Variants in OTOA observed in about 807,000 individuals in gnomAD.
The protein encoded by OTOA is otoancorin, also known as cancer/testis antigen 108.
A neutral mutation model predicts 110.8 loss-of-function variants in OTOA; 70 were observed. The observed-to-expected ratio is 0.63, with a 90% confidence interval of 0.52 to 0.77. The LOEUF is 0.77. OTOA is among the 30% of genes least tolerant of loss of function. The pLI is 0.00. For missense variants in OTOA, 917 were observed against 1,075.8 expected (o/e 0.85, Z 2.06); for synonymous variants, 373 against 431.5 (o/e 0.86, Z 1.68).
chr16:21,670,781 T>G (rs772958392), intron 1 of OTOA, among the ~76,000 whole-genome samples: 3 of 152,248 alleles, frequency 2.0e-5, no homozygotes, highest in Non-Finnish European at 4.4e-5. Context: ...CCTTTTCTTC[T>G]GGCTAATTGC....
chr16:21,739,172 TTG>T (rs1360348142), intron 22 of OTOA, among the ~76,000 whole-genome samples: 1 of 151,276 alleles, frequency 6.6e-6, no homozygotes, highest in Non-Finnish European at 1.5e-5. Flanking sequence ...TTATATTAAT[TTG>T]TGTGTGTGTG....
At chr16:21,695,900 T>TTTTTTC (rs1897930415) in intron 9 of OTOA, among the ~76,000 whole-genome samples, 1 of 121,970 alleles carries the variant, frequency 8.2e-6, no homozygotes, top group Non-Finnish European at 1.7e-5. Flanking sequence ...TATTTTTTTT[T>TTTTTTC]TTTTTTTTTT....
intron 20 of OTOA, among the ~76,000 whole-genome samples, chr16:21,729,372 AG>A (rs1899035163): frequency 6.6e-6 from 1 of 152,146 alleles, no homozygotes; most frequent in African/African-American, 2.4e-5. Context: ...TTAGGTTCTC[AG>A]AAAAATGGAG....
At chr16:21,705,623 A>G (rs899520533) in intron 12 of OTOA, among the ~76,000 whole-genome samples, 13 of 152,016 alleles carry the variant, frequency 8.6e-5, no homozygotes, top group African/African-American at 3.1e-4. Context: ...CAGCCTGGTC[A>G]ACATCATGAG....
At chr16:21,683,513 C>T (rs779476851) in intron 6 of OTOA, among the ~76,000 whole-genome samples, 1 of 151,848 alleles carries the variant, frequency 6.6e-6, no homozygotes, top group Non-Finnish European at 1.5e-5. Context: ...GCCAACATAG[C>T]GAGACCTTGT....
intron 16 of OTOA, 85 bp downstream of exon 16, chr16:21,719,276 T>G: frequency 1.3e-6 from 2 of 1,571,902 alleles, no homozygotes; most frequent in South Asian, 2.2e-5. Context: ...GGTGGGAGAG[T>G]TAGGCAGTCA....
At chr16:21,698,831 A>G (rs530464040) in intron 10 of OTOA, among the ~76,000 whole-genome samples, 1 of 152,184 alleles carries the variant, frequency 6.6e-6, no homozygotes, top group African/African-American at 2.4e-5. Flanking sequence ...AATTCTTAGA[A>G]AGCTGAGCCC....
At chr16:21,714,251 TTTTCTTTC>T (rs5816158) in intron 13 of OTOA, among the ~76,000 whole-genome samples, 110 of 133,770 alleles carry the variant, frequency 8.2e-4, no homozygotes, top group African/African-American at 1.1e-3. Context: ...TTTCTTTCTT[TTTTCTTTC>T]TTTCTTTCTT....
chr16:21,664,936 C>T (rs1290775291), intron 1 of OTOA, among the ~76,000 whole-genome samples: 3 of 151,642 alleles, frequency 2.0e-5, no homozygotes, highest in Admixed American at 6.6e-5. Flanking sequence ...CAGGCCACTG[C>T]CCTCCATTCT....
At chr16:21,716,520 A>G (rs1308518011) in intron 14 of OTOA, among the ~76,000 whole-genome samples, 1 of 152,094 alleles carries the variant, frequency 6.6e-6, no homozygotes, top group Non-Finnish European at 1.5e-5. Context: ...GCAGCGAGCC[A>G]ATATCATGCC....
At chr16:21,704,921 G>T in intron 11 of OTOA, 1 of 782,428 alleles carries the variant, frequency 1.3e-6, no homozygotes, top group Non-Finnish European at 2.4e-6. Flanking sequence ...ATTCTGATTG[G>T]ATCGTGGACC....
intron 5 of OTOA, among the ~76,000 whole-genome samples, chr16:21,680,184 TATCCATCCATCCATCC>T (rs60446298): frequency 6.7e-6 from 1 of 150,060 alleles, no homozygotes; most frequent in Non-Finnish European, 1.5e-5. Context: ...TTTATTAATT[TATCCATCCATCCATCC>T]ATCCATCCAT....
intron 13 of OTOA, 22 bp from the exon 14 acceptor site, chr16:21,714,963 T>G (rs755167245): frequency 6.2e-7 from 1 of 1,613,928 alleles, no homozygotes; most frequent in East Asian, 2.2e-5. Flanking sequence ...AGAGCCTGAC[T>G]GCGCAGCCGC....
chr16:21,721,742 A>G (rs1898748561), intron 17 of OTOA, among the ~76,000 whole-genome samples: 2 of 152,096 alleles, frequency 1.3e-5, no homozygotes, highest in South Asian at 4.1e-4. Flanking sequence ...AAATACAAAA[A>G]TTAGCCAAAT....
chr16:21,665,271 C>T (rs1005747164), intron 1 of OTOA, among the ~76,000 whole-genome samples: 4 of 152,144 alleles, frequency 2.6e-5, no homozygotes, highest in African/African-American at 9.7e-5. Context: ...GGGTTTGCCA[C>T]CTGGCTGTGC....
At chr16:21,714,300 T>TCTTCCTTTCTTC (rs1898456189) in intron 13 of OTOA, among the ~76,000 whole-genome samples, 1 of 100,344 alleles carries the variant, frequency 1.0e-5, no homozygotes, top group Non-Finnish European at 2.1e-5. Context: ...TCTTTTCCTT[T>TCTTCCTTTCTTC]CTTCCTTCCT....
chr16:21,719,052 A>G, intron 15 of OTOA, 81 bp from the exon 16 acceptor site: 4 of 1,358,978 alleles, frequency 2.9e-6, no homozygotes, highest in Non-Finnish European at 3.2e-6. Context: ...GGGATTGTGG[A>G]ATGCCTTCCT....
At chr16:21,698,890 G>A (rs951008374) in intron 10 of OTOA, among the ~76,000 whole-genome samples, 18 of 152,172 alleles carry the variant, frequency 1.2e-4, no homozygotes, top group Non-Finnish European at 1.8e-4. Flanking sequence ...CTTTTTATTC[G>A]CTAAAAATGT....
chr16:21,720,945 G>A (rs1408203753), intron 17 of OTOA, among the ~76,000 whole-genome samples: 4 of 114,442 alleles, frequency 3.5e-5, no homozygotes, highest in African/African-American at 1.3e-4. Context: ...TATTGAGACA[G>A]GACCTTGCTC....
Sources: allele counts gnomAD v4.1 joint callset (sites outside exome capture counted in the v4.1 genomes callset), GRCh38; gene constraint gnomAD v4.1.1; transcripts MANE v1.5; gene names NCBI Gene and HGNC (gene_info 2026-07-23, HGNC 2026-07-21).